Variants in LYPLAL1 observed in about 807,000 individuals in gnomAD.
LYPLAL1 encodes the protein lysophospholipase-like protein 1.
LYPLAL1 carries 23 observed loss-of-function variants against 19.7 expected under a neutral mutation model. The observed-to-expected ratio is 1.17, with a 90% CI of 0.84 to 1.65. LYPLAL1 has a LOEUF of 1.65. LYPLAL1 is among the 40% of genes most tolerant of loss of function. The probability of loss-of-function intolerance (pLI) is 0.00; values close to 1 mark genes in which losing one functional copy is unlikely to be tolerated. For missense variants in LYPLAL1, 355 were observed against 279.4 expected, an observed-to-expected ratio of 1.27 and a Z score of -1.93; for synonymous variants, 119 against 96.3, an observed-to-expected ratio of 1.24 and a Z score of -1.38.
chr1:219,365,674 T>G, the LYPLAL1 span, among the ~76,000 whole-genome samples: 1 of 152,128 alleles, frequency 6.6e-6, no homozygotes, highest in Non-Finnish European at 1.5e-5. Context: ...AAACCAAAAT[T>G]CCTTTTATGT....
chr1:219,297,567 AT>A, the LYPLAL1 span, among the ~76,000 whole-genome samples: 1 of 152,244 alleles, frequency 6.6e-6, no homozygotes, highest in Non-Finnish European at 1.5e-5. Flanking sequence ...GTCTTGAGAA[AT>A]GGGTAAGGCT....
At chr1:219,299,403 G>A in the LYPLAL1 span, among the ~76,000 whole-genome samples, 1 of 152,100 alleles carries the variant, frequency 6.6e-6, no homozygotes, top group Non-Finnish European at 1.5e-5. Flanking sequence ...AAAAAAGAAG[G>A]TATCATATGA....
the LYPLAL1 span, among the ~76,000 whole-genome samples, chr1:219,307,040 A>G: frequency 2.9e-4 from 10 of 33,972 alleles, no homozygotes; most frequent in Non-Finnish European, 8.0e-4. Context: ...ATATATATAT[A>G]TGTATATATA....
chr1:219,408,801 A>G, the LYPLAL1 span, among the ~76,000 whole-genome samples: 4 of 152,194 alleles, frequency 2.6e-5, no homozygotes, highest in Admixed American at 2.0e-4. Flanking sequence ...GAAAAGGTCT[A>G]GTGTATATGA....
chr1:219,352,938 T>C, the LYPLAL1 span, among the ~76,000 whole-genome samples: 3 of 152,244 alleles, frequency 2.0e-5, no homozygotes, highest in African/African-American at 7.2e-5. Flanking sequence ...TTATTTCTTA[T>C]TTTCTATAGT....
At chr1:219,386,338 G>A in the LYPLAL1 span, among the ~76,000 whole-genome samples, 13 of 152,078 alleles carry the variant, frequency 8.5e-5, no homozygotes, top group Non-Finnish European at 1.6e-4. Context: ...ACACTATTCC[G>A]TCAGAAAACT....
the LYPLAL1 span, among the ~76,000 whole-genome samples, chr1:219,417,524 G>A: frequency 6.6e-6 from 1 of 152,168 alleles, no homozygotes; most frequent in East Asian, 1.9e-4. Flanking sequence ...GGTATAGGCA[G>A]ATGTTATGGA....
chr1:219,214,525 T>A (rs935306134), downstream of LYPLAL1, among the ~76,000 whole-genome samples: 2 of 152,066 alleles, frequency 1.3e-5, no homozygotes, highest in Admixed American at 1.3e-4. Flanking sequence ...ACTATAACTT[T>A]TTATCTTCTT....
intron 2 of LYPLAL1, among the ~76,000 whole-genome samples, chr1:219,180,153 C>T (rs945838438): frequency 2.0e-5 from 3 of 152,124 alleles, no homozygotes; most frequent in Non-Finnish European, 2.9e-5. Flanking sequence ...TGTGACACCA[C>T]GCCCAGCTAA....
intron 2 of LYPLAL1, among the ~76,000 whole-genome samples, chr1:219,191,900 A>T (rs978848593): frequency 6.6e-6 from 1 of 151,572 alleles, no homozygotes; most frequent in African/African-American, 2.4e-5. Context: ...TAAATAAAAG[A>T]TCCCCGTATA....
At chr1:219,232,637 A>T in the LYPLAL1 span, among the ~76,000 whole-genome samples, 1 of 152,196 alleles carries the variant, frequency 6.6e-6, no homozygotes, top group Non-Finnish European at 1.5e-5. Context: ...CATTTATCTG[A>T]TAAGAGATTA....
the LYPLAL1 span, among the ~76,000 whole-genome samples, chr1:219,428,138 G>A: frequency 6.6e-6 from 1 of 152,346 alleles, no homozygotes; most frequent in East Asian, 1.9e-4. Flanking sequence ...CAAACTCCAT[G>A]ATGGCAACAA....
chr1:219,196,750 C>CT (rs756739271), intron 3 of LYPLAL1, among the ~76,000 whole-genome samples: 3 of 152,102 alleles, frequency 2.0e-5, no homozygotes, highest in South Asian at 4.1e-4. Flanking sequence ...CTAGAAAACT[C>CT]TATCGTTTCA....
chr1:219,328,560 T>G, the LYPLAL1 span, among the ~76,000 whole-genome samples: 2 of 152,208 alleles, frequency 1.3e-5, no homozygotes, highest in South Asian at 4.1e-4. Context: ...AGATCATAAC[T>G]GATATCTCAC....
At chr1:219,310,067 G>A in the LYPLAL1 span, among the ~76,000 whole-genome samples, 2 of 152,156 alleles carry the variant, frequency 1.3e-5, no homozygotes, top group Non-Finnish European at 2.9e-5. Flanking sequence ...TATTATTAGG[G>A]GTTGGAAGAT....
At chr1:219,185,400 T>C (rs1418089097) in intron 2 of LYPLAL1, among the ~76,000 whole-genome samples, 1 of 151,916 alleles carries the variant, frequency 6.6e-6, no homozygotes, top group Non-Finnish European at 1.5e-5. Flanking sequence ...TTTATTCTTA[T>C]GTTTCTTATT....
chr1:219,387,134 C>T, the LYPLAL1 span, among the ~76,000 whole-genome samples: 1 of 152,158 alleles, frequency 6.6e-6, no homozygotes, highest in Non-Finnish European at 1.5e-5. Context: ...CCCCCACATG[C>T]TCCTCTGTCC....
chr1:219,213,666 C>T (rs570830780), downstream of LYPLAL1, among the ~76,000 whole-genome samples: 4 of 151,914 alleles, frequency 2.6e-5, no homozygotes, highest in Middle Eastern at 3.4e-3. Context: ...TTTTATTTTG[C>T]GATTGATTAT....
the LYPLAL1 span, among the ~76,000 whole-genome samples, chr1:219,257,664 G>A: frequency 3.9e-5 from 6 of 151,966 alleles, no homozygotes; most frequent in Admixed American, 3.3e-4. Context: ...AGATTGCAAG[G>A]CAAAGGGCAA....
Sources: allele counts gnomAD v4.1 joint callset (sites outside exome capture counted in the v4.1 genomes callset), GRCh38; gene constraint gnomAD v4.1.1; transcripts MANE v1.5; gene names NCBI Gene and HGNC (gene_info 2026-07-23, HGNC 2026-07-21).